The following ARMC9 variants were observed in gnomAD, a reference collection of about 807,000 sequenced individuals.
The protein encoded by ARMC9 is armadillo repeat containing 9, also known as lisH domain-containing protein ARMC9.
A neutral mutation model predicts 107.0 loss-of-function variants in ARMC9; 94 were observed. That is an observed-to-expected ratio of 0.88 (90% CI 0.74 to 1.04). ARMC9 has a LOEUF of 1.04. Ranked by LOEUF, ARMC9 falls within the 50% of genes least tolerant of loss-of-function variation. The probability of loss-of-function intolerance (pLI) is 0.00; values close to 1 mark genes in which losing one functional copy is unlikely to be tolerated. For missense variants in ARMC9, 942 were observed against 1,030.1 expected, an observed-to-expected ratio of 0.91 and a Z score of 1.17; for synonymous variants, 380 against 396.9, an observed-to-expected ratio of 0.96 and a Z score of 0.51.
At chr2:231,236,767 A>G (rs2035751937) in intron 8 of ARMC9, among the ~76,000 whole-genome samples, 1 of 152,162 alleles carries the variant, frequency 6.6e-6, no homozygotes, top group Non-Finnish European at 1.5e-5. Flanking sequence ...AACATGGCGA[A>G]ACCCCGTCTC....
chr2:231,336,593 T>TG lies in ARMC9; in HGVS notation c.1878+4701dup, dbSNP rs551836698. Among the ~76,000 whole-genome samples the TG allele has an allele frequency of 9.3e-4, 141 of 152,328 alleles. No individual in the cohort carries two copies. The South Asian group carries it at 0.013, about 14-fold the overall frequency. On this transcript the variant is annotated intron_variant, in intron 20 of 24. Coordinates refer to ENST00000611582, the MANE Select transcript of ARMC9 (RefSeq NM_001352754.2). ...TATGTTTTCGTCACAGACTCAGTTT[T>TG]GGGGGAAATGCCTATAGTGAATGCT... is the stretch of plus-strand genomic sequence containing the variant.
At chr2:231,209,015 C>A (rs56280963) in intron 3 of ARMC9, among the ~76,000 whole-genome samples, 1 of 151,898 alleles carries the variant, frequency 6.6e-6, no homozygotes, top group Non-Finnish European at 1.5e-5. Context: ...GATTCTCCTG[C>A]CTCACCCTCC....
chr2:231,280,660 G>A (rs906269913), intron 16 of ARMC9, among the ~76,000 whole-genome samples: 1 of 151,968 alleles, frequency 6.6e-6, no homozygotes, highest in Non-Finnish European at 1.5e-5. Context: ...TACATTTTTT[G>A]ATTGGAAAAA....
At chr2:231,207,733 C>T (rs551560983) in intron 2 of ARMC9, among the ~76,000 whole-genome samples, 24 of 152,358 alleles carry the variant, frequency 1.6e-4, no homozygotes, top group African/African-American at 5.8e-4. Context: ...CTTGGCCTCC[C>T]AAAGTGCTGG....
chr2:231,342,489 C>T (rs2044576627), intron 20 of ARMC9, among the ~76,000 whole-genome samples: 1 of 151,956 alleles, frequency 6.6e-6, no homozygotes, highest in Non-Finnish European at 1.5e-5. Context: ...GTCACAGGCT[C>T]GAGAAAACCC....
chr2:231,256,530 G>T (rs568243247), intron 9 of ARMC9, 56 bp from the exon 10 acceptor site: 3 of 1,582,952 alleles, frequency 1.9e-6, no homozygotes, highest in African/African-American at 2.7e-5. Flanking sequence ...TTTGGGATCC[G>T]TGCATTGCTA....
At chr2:231,213,868 A>C (rs1448439759) in intron 3 of ARMC9, among the ~76,000 whole-genome samples, 1 of 152,234 alleles carries the variant, frequency 6.6e-6, no homozygotes, top group Non-Finnish European at 1.5e-5. Flanking sequence ...TAGAAAATCC[A>C]ATCTCAGAAA....
chr2:231,365,171 A>C (rs2045762372), intron 23 of ARMC9, among the ~76,000 whole-genome samples: 1 of 152,206 alleles, frequency 6.6e-6, no homozygotes, highest in African/African-American at 2.4e-5. Context: ...TGTGGAAAGG[A>C]AGTCCAGGAC....
intron 5 of ARMC9, 116 bp downstream of exon 5, chr2:231,216,909 GTAT>G: frequency 8.0e-7 from 1 of 1,251,042 alleles, no homozygotes; most frequent in South Asian, 1.6e-5. Context: ...GCTTACATTA[GTAT>G]TATTTTTAGT....
chr2:231,238,046 C>A (rs989931252), intron 8 of ARMC9, among the ~76,000 whole-genome samples: 5 of 151,754 alleles, frequency 3.3e-5, no homozygotes, highest in Admixed American at 6.6e-5. Flanking sequence ...TGGTTGTGAG[C>A]TTTGCCACAC....
At chr2:231,210,694 C>G (rs1260983386) in intron 3 of ARMC9, among the ~76,000 whole-genome samples, 1 of 152,200 alleles carries the variant, frequency 6.6e-6, no homozygotes, top group African/African-American at 2.4e-5. Flanking sequence ...ACTGGTTTGC[C>G]ATCGCATTTC....
chr2:231,365,548 G>A lies in ARMC9; in HGVS notation c.2262-4405G>A, dbSNP rs149461976. Among the ~76,000 whole-genome samples, 884 of 152,250 alleles carry A rather than the reference G, an allele frequency of 5.8e-3. 10 individuals are homozygous for A. The highest frequency in any genetic ancestry group is 0.019 in the African/African-American group (801 of 41,542). Reference sequence around the variant, plus strand: ...GACTCTGCCCAGAGGGTTCATAACCGGCTCTCAGTTATTGCTGCGGACATT... The same window carrying A: ...GACTCTGCCCAGAGGGTTCATAACCAGCTCTCAGTTATTGCTGCGGACATT... On this transcript the variant is annotated intron_variant, in intron 23 of 24. Coordinates refer to ENST00000611582, the MANE Select transcript of ARMC9 (RefSeq NM_001352754.2).
intron 17 of ARMC9, among the ~76,000 whole-genome samples, chr2:231,286,684 A>G (rs1371579868): frequency 2.6e-5 from 4 of 152,230 alleles, no homozygotes; most frequent in Non-Finnish European, 1.5e-5. Flanking sequence ...GAAGATGATA[A>G]TTAGGAAAAG....
Position 231,358,999 on chromosome 2 carries a change from C to T in ARMC9, c.2132-1755C>T, listed in dbSNP as rs550682450. Among the ~76,000 whole-genome samples the T allele has an allele frequency of 3.9e-5, 6 of 152,024 alleles. No individual in the cohort carries two copies. The highest frequency in any genetic ancestry group is 1.4e-4 in the African/African-American group (6 of 41,468). On this transcript the variant is annotated intron_variant, in intron 22 of 24. Coordinates refer to ENST00000611582, the MANE Select transcript of ARMC9 (RefSeq NM_001352754.2). This position sits in a 1 kb window ranked among gnomAD's most constrained non-coding sequence, Gnocchi z 4.5. Reference sequence around the variant, plus strand: ...GAAATGGACCAGCAGGCAAGAGATACTACTGTCCCAGGAAGACCCCGGTGC... The same window carrying T: ...GAAATGGACCAGCAGGCAAGAGATATTACTGTCCCAGGAAGACCCCGGTGC...
In ARMC9 at chr2:231,210,607, AAGG is replaced by A. The variant is rs1311145601; in HGVS notation, c.177+2356_177+2358del. On this transcript the variant is annotated intron_variant, in intron 3 of 24. Transcript: ENST00000611582. Reference sequence around the variant, plus strand: ...ACCAGATGATGTGATGATACAGGGTAAGGCCAACAGGCCCTGTGCCTTGAAGCT... The same window carrying A: ...ACCAGATGATGTGATGATACAGGGTACCAACAGGCCCTGTGCCTTGAAGCT... 7.7e-4 allele frequency among the ~76,000 whole-genome samples: 117 copies of A among 152,362 alleles called. 1 individual carries two copies. Among genetic ancestry groups the A allele is most frequent in the African/African-American group, 2.6e-3 (109 of 41,580 alleles).
intron 9 of ARMC9, among the ~76,000 whole-genome samples, chr2:231,245,368 C>T (rs1172929857): frequency 3.9e-5 from 6 of 152,198 alleles, no homozygotes; most frequent in Admixed American, 1.3e-4. Context: ...TTGCAGGGAA[C>T]GCAGTGCTAG....
Position 231,371,641 on chromosome 2 carries a change from A to G in ARMC9, c.*106A>G. 1 of 1,120,880 alleles carries G rather than the reference A, an allele frequency of 8.9e-7. No homozygotes were observed. Among genetic ancestry groups the G allele is most frequent in the Non-Finnish European group, 1.1e-6 (1 of 886,600 alleles). The allele number at this position is 1,120,880 out of a possible 1,614,324, so 69.4% of individuals were successfully genotyped here. ...GGATGTGAAGGGACAGTTGTCCACA[A>G]GACTCTGGGAGCTGAGGGGAGGCCG... On this transcript the variant is annotated 3_prime_UTR_variant, in exon 25 of 25. Coordinates refer to ENST00000611582, the MANE Select transcript of ARMC9 (RefSeq NM_001352754.2).
At chr2:231,332,811 T>C (rs1180850827) in intron 20 of ARMC9, among the ~76,000 whole-genome samples, 2 of 152,002 alleles carry the variant, frequency 1.3e-5, no homozygotes, top group Non-Finnish European at 2.9e-5. Context: ...GCTGAGCACA[T>C]AGGGTAGAAG....
intron 7 of ARMC9, among the ~76,000 whole-genome samples, chr2:231,227,257 G>GT (rs1199340793): frequency 1.3e-5 from 2 of 152,194 alleles, no homozygotes; most frequent in Non-Finnish European, 2.9e-5. Flanking sequence ...CCAGTCTTCA[G>GT]TTTGTAGCAT....
Sources: gnomAD v4.1 joint callset for allele counts (sites outside exome capture counted in the v4.1 genomes callset) on GRCh38, gnomAD v4.1.1 for gene constraint, Gnocchi (gnomAD v3.1) non-coding constraint, MANE v1.5 for transcripts, NCBI Gene and HGNC (gene_info 2026-07-23, HGNC 2026-07-21) for gene names.